Variants in EYS observed in about 807,000 individuals in gnomAD.
The protein encoded by EYS is EGF-like photoreceptor maintenance factor.
In EYS, 250 loss-of-function variants were observed where a neutral mutation model predicts 282.1. The observed-to-expected ratio is 0.89, with a 90% CI of 0.80 to 0.98. EYS has a LOEUF of 0.98. Ranked by LOEUF, EYS falls within the 50% of genes least tolerant of loss-of-function variation. The pLI, the probability that EYS is intolerant of heterozygous loss-of-function variation, is 0.00. For missense variants in EYS, 4,016 were observed against 3,709.0 expected (o/e 1.08, Z -2.15); for synonymous variants, 1,355 against 1,282.9 (o/e 1.06, Z -1.20).
At chr6:65,247,457 C>T (rs2150280424) in intron 12 of EYS, among the ~76,000 whole-genome samples, 1 of 152,080 alleles carries the variant, frequency 6.6e-6, no homozygotes, top group Admixed American at 6.5e-5. Flanking sequence ...TATAAATATT[C>T]ATTGTTTTGC....
At chr6:63,906,855 C>T (rs970983878) in intron 35 of EYS, among the ~76,000 whole-genome samples, 3 of 150,454 alleles carry the variant, frequency 2.0e-5, no homozygotes, top group Admixed American at 6.6e-5. Context: ...AACATATATT[C>T]GGTATATTGA....
intron 22 of EYS, among the ~76,000 whole-genome samples, chr6:64,811,890 G>T (rs1333215571): frequency 6.6e-6 from 1 of 152,052 alleles, no homozygotes; most frequent in Non-Finnish European, 1.5e-5. Flanking sequence ...CTCTTACAGT[G>T]CTTGATTTAA....
chr6:64,878,636 T>G (rs1238464889), intron 19 of EYS, among the ~76,000 whole-genome samples: 2 of 151,940 alleles, frequency 1.3e-5, no homozygotes, highest in Non-Finnish European at 2.9e-5. Context: ...CCACTCATAA[T>G]TTTTCTCTGT....
chr6:63,980,646 T>G (rs1767044438), intron 35 of EYS, among the ~76,000 whole-genome samples: 1 of 151,900 alleles, frequency 6.6e-6, no homozygotes, highest in Non-Finnish European at 1.5e-5. Context: ...TATTAACACA[T>G]CTTATTGAAA....
At chr6:65,036,278 C>T (rs62407166) in intron 13 of EYS, among the ~76,000 whole-genome samples, 496 of 151,776 alleles carry the variant, frequency 3.3e-3, no homozygotes, top group Middle Eastern at 6.8e-3. Context: ...GCTAGCTATA[C>T]GCAGAAGACT....
At chr6:64,473,651 T>C (rs914271982) in intron 26 of EYS, among the ~76,000 whole-genome samples, 1 of 152,210 alleles carries the variant, frequency 6.6e-6, no homozygotes, top group South Asian at 2.1e-4. Context: ...ATGTGTTCCA[T>C]TACCTTTTGA....
At chr6:63,844,459 T>A (rs1047229737) in intron 36 of EYS, among the ~76,000 whole-genome samples, 5 of 152,216 alleles carry the variant, frequency 3.3e-5, no homozygotes, top group African/African-American at 1.2e-4. Context: ...TGAACTAGTT[T>A]ACATTCCCGC....
At chr6:64,227,513 T>C (rs1582454021) in intron 31 of EYS, among the ~76,000 whole-genome samples, 1 of 152,066 alleles carries the variant, frequency 6.6e-6, no homozygotes, top group Admixed American at 6.6e-5. Flanking sequence ...TTACTTCTAA[T>C]CCCATTTCTA....
At chr6:64,733,958 A>G (rs558671204) in intron 22 of EYS, 1 of 153,454 alleles carries the variant, frequency 6.5e-6, no homozygotes, top group Non-Finnish European at 1.5e-5. Flanking sequence ...TTATTTTTTA[A>G]AGAAATGAAG....
chr6:64,631,632 T>C (rs1343526191), intron 22 of EYS: 2 of 152,144 alleles, frequency 1.3e-5, no homozygotes, highest in African/African-American at 2.4e-5. Flanking sequence ...GTCTTTTCCA[T>C]GGGAGTTTTA....
At chr6:64,546,214 G>A (rs1764861727) in intron 26 of EYS, among the ~76,000 whole-genome samples, 2 of 152,020 alleles carry the variant, frequency 1.3e-5, no homozygotes, top group Admixed American at 1.3e-4. Flanking sequence ...CAGAAATAAG[G>A]CCGCATATCT....
intron 31 of EYS, among the ~76,000 whole-genome samples, chr6:64,187,271 T>A (rs1244725829): frequency 6.6e-6 from 1 of 152,118 alleles, no homozygotes; most frequent in Admixed American, 6.6e-5. Flanking sequence ...TATATAGAAG[T>A]CTCACAGTGA....
intron 39 of EYS, 58 bp downstream of exon 39, chr6:63,788,047 T>G (rs1387136994): frequency 2.3e-6 from 3 of 1,321,620 alleles, no homozygotes. Flanking sequence ...TTTAAAATAT[T>G]TTTTTCCCTC....
intron 19 of EYS, among the ~76,000 whole-genome samples, chr6:64,850,541 G>A (rs1195910831): frequency 6.6e-6 from 1 of 152,042 alleles, no homozygotes; most frequent in East Asian, 1.9e-4. Context: ...TATTAGAAAG[G>A]GAAATAAGAC....
At chr6:64,122,903 T>G (rs1021234020) in intron 31 of EYS, among the ~76,000 whole-genome samples, 17 of 150,824 alleles carry the variant, frequency 1.1e-4, no homozygotes, top group Admixed American at 1.1e-3. Context: ...ATAACAGAAA[T>G]GCTTACAAAG....
intron 13 of EYS, among the ~76,000 whole-genome samples, chr6:65,039,193 T>C (rs1050333912): frequency 2.8e-4 from 43 of 151,580 alleles, no homozygotes; most frequent in African/African-American, 9.2e-4. Context: ...TTGTGTATGA[T>C]GTGAGGTAGA....
rs142220847 is a variant in EYS, at chr6:64,684,431, T to TA, written c.3444-58187dup. On this transcript the variant is annotated intron_variant, in intron 22 of 42. Coordinates refer to ENST00000503581, the MANE Select transcript of EYS (RefSeq NM_001142800.2). ...AGTGGACCTGCATTTCAGTAAATGC[T>TA]AAAAAAAACACAACTGAAGAGAAAT... 5.5e-3 allele frequency among the ~76,000 whole-genome samples: 840 copies of TA among 151,846 alleles called. 3 individuals carry two copies. The highest frequency in any genetic ancestry group is 9.3e-3 in the Non-Finnish European group (630 of 67,902).
intron 26 of EYS, among the ~76,000 whole-genome samples, chr6:64,448,539 A>G (rs938017196): frequency 5.3e-5 from 8 of 152,204 alleles, no homozygotes; most frequent in African/African-American, 1.9e-4. Flanking sequence ...TTGAGATCTG[A>G]GAACCAGCAG....
chr6:63,999,664 A>G (rs1477408368), intron 33 of EYS, among the ~76,000 whole-genome samples: 3 of 152,230 alleles, frequency 2.0e-5, no homozygotes, highest in African/African-American at 7.2e-5. Context: ...CAGAGAGATT[A>G]CACTGTGATA....
Sources: allele counts gnomAD v4.1 joint callset (sites outside exome capture counted in the v4.1 genomes callset), GRCh38; gene constraint gnomAD v4.1.1; transcripts MANE v1.5; gene names NCBI Gene and HGNC (gene_info 2026-07-23, HGNC 2026-07-21).